The following SH3RF3 variants were observed in gnomAD, a reference collection of about 807,000 sequenced individuals.
SH3RF3 encodes SH3 domain containing ring finger 3.
In SH3RF3, 29 loss-of-function variants were observed where a neutral mutation model predicts 66.3. That is an observed-to-expected ratio of 0.44 (90% confidence interval 0.33 to 0.60). The LOEUF (loss-of-function observed/expected upper bound fraction) is 0.60. Ranked by LOEUF, SH3RF3 falls within the 20% of genes least tolerant of loss-of-function variation. The pLI, the probability that SH3RF3 is intolerant of heterozygous loss-of-function variation, is 0.04. For missense variants in SH3RF3, 1,194 were observed against 1,190.9 expected, an observed-to-expected ratio of 1.00 and a Z score of -0.04; for synonymous variants, 583 against 532.0, an observed-to-expected ratio of 1.10 and a Z score of -1.32.
intron 7 of SH3RF3, among the ~76,000 whole-genome samples, chr2:109,447,807 A>AT (rs1677752188): frequency 6.6e-6 from 1 of 152,112 alleles, no homozygotes; most frequent in Admixed American, 6.6e-5. Flanking sequence ...CATATGGGAG[A>AT]TTTTTGCAAA....
At chr2:109,279,246 A>T (rs1321632451) in intron 1 of SH3RF3, among the ~76,000 whole-genome samples, 1 of 152,136 alleles carries the variant, frequency 6.6e-6, no homozygotes, top group African/African-American at 2.4e-5. Context: ...CTGACTTCTG[A>T]ATGTGGCTTA....
chr2:109,131,929 A>G (rs1376469290), intron 1 of SH3RF3, among the ~76,000 whole-genome samples: 2 of 152,230 alleles, frequency 1.3e-5, no homozygotes, highest in Non-Finnish European at 2.9e-5. Flanking sequence ...CTAGCACTAT[A>G]CTACCATGCT....
chr2:109,130,077 G>A lies in SH3RF3; in HGVS notation c.537G>A (p.Arg179=). Residue 179 remains arginine (R), a synonymous_variant, in exon 1 of 10, where the codon CGG becomes CGA. Coordinates refer to ENST00000309415, the MANE Select transcript of SH3RF3 (RefSeq NM_001099289.3). ...CGGGCAGCACCGCCGGCAGTCTGCG[G>A]GAGCTGGCGACCAGCAGGACCGCGC... ...AAAGSTAGSL[R]ELATSRTAPA... The A allele has an allele frequency of 4.4e-6, 6 of 1,367,482 alleles. No homozygotes were observed. The highest frequency in any genetic ancestry group is 1.7e-5 in the South Asian group (1 of 59,032). The allele number at this position is 1,367,482 out of a possible 1,614,324, so 84.7% of individuals were successfully genotyped here.
At chr2:109,207,431 G>A (rs772029871) in intron 1 of SH3RF3, among the ~76,000 whole-genome samples, 18 of 152,104 alleles carry the variant, frequency 1.2e-4, no homozygotes, top group East Asian at 3.9e-4. Context: ...TGGCAGTTTC[G>A]ATTTTGAAAA....
intron 1 of SH3RF3, among the ~76,000 whole-genome samples, chr2:109,232,308 A>G (rs751604193): frequency 1.3e-5 from 2 of 152,096 alleles, no homozygotes; most frequent in African/African-American, 2.4e-5. Flanking sequence ...TAGTCATCCT[A>G]GAAGGATCAT....
At chr2:109,133,516 G>A (rs1274939352) in intron 1 of SH3RF3, among the ~76,000 whole-genome samples, 1 of 152,102 alleles carries the variant, frequency 6.6e-6, no homozygotes, top group Non-Finnish European at 1.5e-5. Flanking sequence ...CTTTTTAGCT[G>A]AACACAGTCA....
chr2:109,464,465 CAT>C (rs71959767), intron 8 of SH3RF3, among the ~76,000 whole-genome samples: 2,914 of 152,282 alleles, frequency 0.019, 94 homozygotes, highest in African/African-American at 0.067. Context: ...CATGTGCACA[CAT>C]GTAAACATCT....
chr2:109,190,717 G>A (rs988589036), intron 1 of SH3RF3, among the ~76,000 whole-genome samples: 1 of 152,036 alleles, frequency 6.6e-6, no homozygotes, highest in African/African-American at 2.4e-5. Context: ...AATTTGCTAG[G>A]TGTTGGGTGT....
At chr2:109,288,468 G>C (rs929225977) in intron 1 of SH3RF3, among the ~76,000 whole-genome samples, 1 of 152,212 alleles carries the variant, frequency 6.6e-6, no homozygotes, top group Non-Finnish European at 1.5e-5. Context: ...AGAGCCCACA[G>C]AGATGTCATT....
chr2:109,293,660 A>G (rs925630185), intron 1 of SH3RF3, among the ~76,000 whole-genome samples: 1 of 152,214 alleles, frequency 6.6e-6, no homozygotes, highest in African/African-American at 2.4e-5. Flanking sequence ...GGCCCTCTCA[A>G]AGTGGGGATG....
At chr2:109,147,348 T>C (rs1045112081) in intron 1 of SH3RF3, among the ~76,000 whole-genome samples, 1 of 152,202 alleles carries the variant, frequency 6.6e-6, no homozygotes, top group Non-Finnish European at 1.5e-5. Flanking sequence ...GACGAGACTA[T>C]CTCTGCGCTG....
chr2:109,194,440 G>A (rs1212642979), intron 1 of SH3RF3, among the ~76,000 whole-genome samples: 1 of 152,218 alleles, frequency 6.6e-6, no homozygotes, highest in Non-Finnish European at 1.5e-5. Flanking sequence ...GCTCTCGGCT[G>A]GCTGATGGCA....
intron 1 of SH3RF3, among the ~76,000 whole-genome samples, chr2:109,160,138 G>A (rs1373050130): frequency 6.6e-6 from 1 of 152,104 alleles, no homozygotes; most frequent in East Asian, 1.9e-4. Context: ...GTCAGACCTG[G>A]GCCAGGATCT....
intron 1 of SH3RF3, among the ~76,000 whole-genome samples, chr2:109,297,113 C>T (rs1321848692): frequency 6.6e-6 from 1 of 151,996 alleles, no homozygotes; most frequent in Middle Eastern, 3.4e-3. Context: ...CCCAATACGG[C>T]TCCACAGAGA....
At chr2:109,342,284 A>C (rs764264151) in intron 1 of SH3RF3, among the ~76,000 whole-genome samples, 1 of 152,202 alleles carries the variant, frequency 6.6e-6, no homozygotes, top group Admixed American at 6.5e-5. Context: ...ATTTTGGGAA[A>C]AATAATGGGC....
chr2:109,262,587 G>T (rs1484835289), intron 1 of SH3RF3, among the ~76,000 whole-genome samples: 1 of 152,192 alleles, frequency 6.6e-6, no homozygotes, highest in African/African-American at 2.4e-5. Flanking sequence ...TTCTTTTAAA[G>T]AAGCTGAGAA....
At chr2:109,174,063 A>G (rs1677863236) in intron 1 of SH3RF3, among the ~76,000 whole-genome samples, 2 of 152,220 alleles carry the variant, frequency 1.3e-5, no homozygotes, top group Middle Eastern at 3.2e-3. Context: ...CTGCTCCCAC[A>G]GTGTCCCCAT....
chr2:109,273,925 G>A (rs7556670), intron 1 of SH3RF3, among the ~76,000 whole-genome samples: 45,824 of 152,044 alleles, frequency 0.3, 7,914 homozygotes, highest in South Asian at 0.42. Context: ...ACTGGGTTTG[G>A]TGCTTGCTTT....
At chr2:109,266,792 A>G (rs547681324) in intron 1 of SH3RF3, among the ~76,000 whole-genome samples, 3 of 152,274 alleles carry the variant, frequency 2.0e-5, no homozygotes, top group South Asian at 2.1e-4. Flanking sequence ...CCACTCGCAC[A>G]TGCATGAGAG....
Sources: allele counts gnomAD v4.1 joint callset (sites outside exome capture counted in the v4.1 genomes callset), GRCh38; gene constraint gnomAD v4.1.1; transcripts MANE v1.5; gene names NCBI Gene and HGNC (gene_info 2026-07-23, HGNC 2026-07-21).